The following ETV6 variants were observed in gnomAD, a reference collection of about 807,000 sequenced individuals.
ETV6 encodes the protein ETS variant transcription factor 6.
Under a neutral mutation model 51.1 loss-of-function variants are expected in ETV6, and 16 were observed. The observed-to-expected ratio is 0.31, with a 90% confidence interval of 0.21 to 0.48. The LOEUF is 0.48. ETV6 is among the 20% of genes least tolerant of loss of function. The pLI is 0.99. For synonymous variants in ETV6, 240 were observed against 224.1 expected, an observed-to-expected ratio of 1.07 and a Z score of -0.64; for missense variants, 458 against 594.8, an observed-to-expected ratio of 0.77 and a Z score of 2.39.
chr12:11,733,125 TG>T (rs1449765948), intron 1 of ETV6, among the ~76,000 whole-genome samples: 1 of 152,158 alleles, frequency 6.6e-6, no homozygotes, highest in Non-Finnish European at 1.5e-5. Flanking sequence ...TTAACCACTT[TG>T]GGCTGGGCGC....
In ETV6 at chr12:11,875,972, C is replaced by G. The variant is rs143684483; in HGVS notation, c.1009+6003C>G. ...CCCTTTACAGAAAACGTTTGATGCTCTCTGCCTTGCAACATTGTGTACGTG... is the reference window on the plus strand; with the variant it reads ...CCCTTTACAGAAAACGTTTGATGCTGTCTGCCTTGCAACATTGTGTACGTG... On this transcript the variant is annotated intron_variant, in intron 5 of 7. Transcript: ENST00000396373. Among the ~76,000 whole-genome samples the G allele has an allele frequency of 1.2e-3, 184 of 152,294 alleles. 1 individual carries two copies. The highest frequency in any genetic ancestry group is 1.8e-3 in the Non-Finnish European group (122 of 68,026).
chr12:11,705,159 G>A (rs1328063525), intron 1 of ETV6, among the ~76,000 whole-genome samples: 3 of 152,152 alleles, frequency 2.0e-5, no homozygotes, highest in African/African-American at 7.2e-5. Flanking sequence ...TTCTGTTGCT[G>A]TTGTTGCATT....
At chr12:11,853,699 C>A in intron 4 of ETV6, 138 bp downstream of exon 4, 2 of 948,956 alleles carry the variant, frequency 2.1e-6, no homozygotes, top group Non-Finnish European at 3.1e-6. Context: ...TTACTATGTA[C>A]AAAATACACT....
At chr12:11,755,246 G>A (rs1429593358) in intron 2 of ETV6, among the ~76,000 whole-genome samples, 1 of 152,198 alleles carries the variant, frequency 6.6e-6, no homozygotes, top group East Asian at 1.9e-4. Flanking sequence ...GGATGGATGG[G>A]TCCCCACGTA....
At chr12:11,680,963 T>C (rs1321555943) in intron 1 of ETV6, among the ~76,000 whole-genome samples, 1 of 152,196 alleles carries the variant, frequency 6.6e-6, no homozygotes, top group African/African-American at 2.4e-5. Context: ...AAGGAAAATG[T>C]TGCACCATCA....
intron 1 of ETV6, among the ~76,000 whole-genome samples, chr12:11,711,794 T>C (rs1457659314): frequency 6.6e-6 from 1 of 152,262 alleles, no homozygotes; most frequent in African/African-American, 2.4e-5. Context: ...ATTTCCTTGC[T>C]TTCTTCAACA....
At chr12:11,840,365 A>G (rs961138567) in intron 3 of ETV6, 18 of 453,950 alleles carry the variant, frequency 4.0e-5, no homozygotes, top group African/African-American at 3.4e-4. Context: ...TGGGAACTAC[A>G]TATGTCAAAG....
intron 2 of ETV6, among the ~76,000 whole-genome samples, chr12:11,774,098 A>G (rs1333084729): frequency 1.3e-5 from 2 of 152,204 alleles, no homozygotes; most frequent in African/African-American, 4.8e-5. Context: ...CACAAGGCCC[A>G]TGGAAGAGGA....
chr12:11,764,846 C>G (rs535723846), intron 2 of ETV6, among the ~76,000 whole-genome samples: 1 of 152,262 alleles, frequency 6.6e-6, no homozygotes, highest in Non-Finnish European at 1.5e-5. Context: ...ATTTAACCCT[C>G]TAGGCAGTCC....
chr12:11,705,093 G>A (rs150582163), intron 1 of ETV6, among the ~76,000 whole-genome samples: 14 of 152,334 alleles, frequency 9.2e-5, no homozygotes, highest in African/African-American at 2.6e-4. Context: ...CACAGGATGA[G>A]CGTGTCTAGA....
intron 2 of ETV6, among the ~76,000 whole-genome samples, chr12:11,808,444 CAAAAAAA>C (rs76127717): frequency 2.2e-5 from 3 of 135,848 alleles, no homozygotes; most frequent in South Asian, 4.7e-4. Flanking sequence ...AAACAAAAAA[CAAAAAAA>C]AAAAACCCAC....
chr12:11,833,643 G>A (rs188612766), intron 2 of ETV6, among the ~76,000 whole-genome samples: 1 of 152,288 alleles, frequency 6.6e-6, no homozygotes, highest in Admixed American at 6.5e-5. Context: ...ACTTCCCTGT[G>A]TTCTAGTTTT....
intron 2 of ETV6, among the ~76,000 whole-genome samples, chr12:11,829,679 T>C (rs1204736906): frequency 6.6e-6 from 1 of 152,172 alleles, no homozygotes; most frequent in East Asian, 1.9e-4. Context: ...ATCCACAAAA[T>C]GAAGTTTATA....
At chr12:11,819,988 C>T (rs1946053140) in intron 2 of ETV6, among the ~76,000 whole-genome samples, 1 of 152,212 alleles carries the variant, frequency 6.6e-6, no homozygotes, top group Non-Finnish European at 1.5e-5. Flanking sequence ...ACAAGGCCTT[C>T]CAAGGCCTTC....
chr12:11,776,641 C>T (rs1041041785), intron 2 of ETV6, among the ~76,000 whole-genome samples: 1 of 152,218 alleles, frequency 6.6e-6, no homozygotes, highest in Non-Finnish European at 1.5e-5. Context: ...AAACGTTCAG[C>T]ACTTCACATG....
At chr12:11,823,821 C>T (rs948780429) in intron 2 of ETV6, among the ~76,000 whole-genome samples, 5 of 152,130 alleles carry the variant, frequency 3.3e-5, no homozygotes, top group African/African-American at 9.7e-5. Context: ...TTAGTTCTTT[C>T]GGTGGGAGAA....
At chr12:11,835,436 C>T (rs999866750) in intron 2 of ETV6, among the ~76,000 whole-genome samples, 3 of 152,136 alleles carry the variant, frequency 2.0e-5, no homozygotes, top group African/African-American at 7.2e-5. Context: ...AAGAGATGGC[C>T]GTAAATAAAG....
At chr12:11,779,789 C>T (rs551855097) in intron 2 of ETV6, among the ~76,000 whole-genome samples, 9 of 152,238 alleles carry the variant, frequency 5.9e-5, no homozygotes, top group African/African-American at 1.4e-4. Flanking sequence ...TTGGTATAGA[C>T]GGTGCTCACT....
chr12:11,769,159 T>TA (rs1183546604), intron 2 of ETV6, among the ~76,000 whole-genome samples: 1 of 152,228 alleles, frequency 6.6e-6, no homozygotes, highest in Non-Finnish European at 1.5e-5. Flanking sequence ...TCACAGAACA[T>TA]ACATCTGTTC....
Sources: allele counts gnomAD v4.1 joint callset (sites outside exome capture counted in the v4.1 genomes callset), GRCh38; gene constraint gnomAD v4.1.1; transcripts MANE v1.5; gene names NCBI Gene and HGNC (gene_info 2026-07-23, HGNC 2026-07-21).